Variants in SPINT1 observed in about 807,000 individuals in gnomAD.
The protein encoded by SPINT1 is serine peptidase inhibitor, Kunitz type 1.
A neutral mutation model predicts 53.7 loss-of-function variants in SPINT1; 38 were observed. The ratio of observed to expected loss-of-function variants is 0.71; its 90% confidence interval spans 0.55 to 0.93. The LOEUF is 0.93. SPINT1 is among the 40% of genes least tolerant of loss of function. SPINT1 has a pLI of 0.00. For missense variants in SPINT1, 645 were observed against 692.9 expected (o/e 0.93, Z 0.78); for synonymous variants, 283 against 280.6 (o/e 1.01, Z -0.08).
chr15:40,855,699 C>T, intron 8 of SPINT1, 193 bp from the exon 9 acceptor site: 1 of 535,392 alleles, frequency 1.9e-6, no homozygotes, highest in Non-Finnish European at 3.2e-6. Context: ...ACTTTTGTGC[C>T]TACAGTTATT....
intron 3 of SPINT1, 75 bp from the exon 4 acceptor site, chr15:40,853,414 G>C: frequency 6.2e-7 from 1 of 1,611,210 alleles, no homozygotes; most frequent in Non-Finnish European, 8.5e-7. Flanking sequence ...GGGTGTGGGT[G>C]TGTGTCTGGC....
intron 2 of SPINT1, among the ~76,000 whole-genome samples, chr15:40,851,677 G>A (rs375070927): frequency 2.6e-5 from 4 of 152,102 alleles, no homozygotes; most frequent in Non-Finnish European, 4.4e-5. Flanking sequence ...GAAGGGCAAC[G>A]TATTAATTTC....
intron 8 of SPINT1, 104 bp from the exon 9 acceptor site, chr15:40,855,788 C>G: frequency 1.5e-6 from 2 of 1,306,184 alleles, no homozygotes; most frequent in Non-Finnish European, 2.1e-6. Context: ...CCTCCCTGAG[C>G]CATGGCAGGT....
intron 2 of SPINT1, among the ~76,000 whole-genome samples, chr15:40,845,508 G>T (rs1055602466): frequency 6.6e-6 from 1 of 151,888 alleles, no homozygotes; most frequent in African/African-American, 2.4e-5. Flanking sequence ...TGATCAATGG[G>T]GTGACAGATG....
intron 2 of SPINT1, among the ~76,000 whole-genome samples, chr15:40,846,424 G>A (rs1416055738): frequency 6.6e-6 from 1 of 152,188 alleles, no homozygotes; most frequent in Non-Finnish European, 1.5e-5. Flanking sequence ...CAAAAAGGGT[G>A]CTACTAGCAG....
chr15:40,848,269 C>T (rs924501804), intron 2 of SPINT1, among the ~76,000 whole-genome samples: 1 of 152,164 alleles, frequency 6.6e-6, no homozygotes, highest in Admixed American at 6.5e-5. Flanking sequence ...ACCAGCTGTT[C>T]TTAGCTCTTT....
At chr15:40,852,117 A>G (rs1232712779) in intron 2 of SPINT1, among the ~76,000 whole-genome samples, 5 of 152,222 alleles carry the variant, frequency 3.3e-5, no homozygotes, top group Admixed American at 3.3e-4. Flanking sequence ...GCTCCCTCCA[A>G]AGACCCTAGG....
At position 40,856,795 on chromosome 15, in the gene SPINT1, G is replaced by A. The variant is rs769356804; in HGVS notation, c.1362G>A (p.Val454=). Residue 454 remains valine, a synonymous_variant, in exon 11 of 11, where the codon GTG becomes GTA. Coordinates refer to ENST00000562057, the MANE Select transcript of SPINT1 (RefSeq NM_003710.4). ...GCTCTGTGGAGATGGCTGTCGCAGT[G>A]TTCCTGGTCATCTGCATTGTGGTGG... ...STGSVEMAVA[V]FLVICIVVVV... 6.2e-7 allele frequency: 1 copy of A among 1,614,182 alleles called. No homozygotes were observed. Among genetic ancestry groups the A allele is most frequent in the Non-Finnish European group, 8.5e-7 (1 of 1,180,044 alleles).
intron 8 of SPINT1, 64 bp downstream of exon 8, chr15:40,854,753 C>T (rs1409816794): frequency 5.0e-6 from 8 of 1,601,864 alleles, no homozygotes; most frequent in South Asian, 1.1e-5. Flanking sequence ...TCACTATTTC[C>T]ATCCAGCAGT....
Position 40,844,563 on chromosome 15 carries a change from T to C in SPINT1, c.9T>C (p.Pro3=). The change falls in exon 2 of 11, where the codon CCT becomes CCC. Residue 3 remains proline (P), a synonymous_variant. Coordinates refer to ENST00000562057, the MANE Select transcript of SPINT1 (RefSeq NM_003710.4). The surrounding 1 kb of genome is among the most constrained non-coding windows in gnomAD (Gnocchi z 5.8). Reference sequence around the variant, plus strand: ...CCCTGGGGAGGAAGGCGATGGCCCCTGCGAGGACGATGGCCCGCGCCCGCC... The same window carrying C: ...CCCTGGGGAGGAAGGCGATGGCCCCCGCGAGGACGATGGCCCGCGCCCGCC... MA[P]ARTMARARLA... 6.2e-7 allele frequency: 1 copy of C among 1,610,556 alleles called. No homozygotes were observed. Among genetic ancestry groups the C allele is most frequent in the South Asian group, 1.1e-5 (1 of 91,014 alleles).
rs774791082 is a variant in SPINT1 at position 40,853,275 on chromosome 15, C to A, written c.603+24C>A. 7 of 1,613,560 alleles carry A rather than the reference C, an allele frequency of 4.3e-6. No individual in the cohort carries two copies. The South Asian group carries it at 7.7e-5, about 18-fold the overall frequency. On this transcript the variant is annotated intron_variant, in intron 3 of 10. Coordinates refer to ENST00000562057, the MANE Select transcript of SPINT1 (RefSeq NM_003710.4). ...AGGTGAGACACTGGGCTGACTCTGA[C>A]CCCGCCCTCTGCCTGCCAGCCTTCT...
At chr15:40,846,575 A>G (rs1424722471) in intron 2 of SPINT1, among the ~76,000 whole-genome samples, 2 of 152,100 alleles carry the variant, frequency 1.3e-5, no homozygotes, top group East Asian at 1.9e-4. Context: ...TTCACACAAG[A>G]CCATCTCTCT....
chr15:40,855,495 C>A lies in SPINT1; in HGVS notation c.1118-397C>A, dbSNP rs527431405. Among the ~76,000 whole-genome samples, 9 of 152,252 alleles carry A rather than the reference C, an allele frequency of 5.9e-5. No homozygotes were observed. In the South Asian group the frequency reaches 1.7e-3, roughly 28 times the overall value. On this transcript the variant is annotated intron_variant, in intron 8 of 10. Transcript: ENST00000562057. ...AACCAGCCAGGCGTGGTGGCTTACA[C>A]CTGGAATCCCAGCTACTAGGGAGGC...
intron 2 of SPINT1, among the ~76,000 whole-genome samples, chr15:40,852,508 G>A (rs151013944): frequency 6.6e-6 from 1 of 152,218 alleles, no homozygotes; most frequent in Non-Finnish European, 1.5e-5. Context: ...CTCAGACACA[G>A]GCACTGTCAA....
intron 2 of SPINT1, 61 bp from the exon 3 acceptor site, chr15:40,853,063 C>CTGAGAGAAGCCTGGTCCATCTAG: frequency 6.4e-7 from 1 of 1,571,004 alleles, no homozygotes; most frequent in Non-Finnish European, 8.6e-7. Flanking sequence ...CACTTTGCTC[C>CTGAGAGAAGCCTGGTCCATCTAG]TGAGAGAAGC....
Position 40,856,028 on chromosome 15 carries a change from G to C in SPINT1, c.1254G>C (p.Glu418Asp), listed in dbSNP as rs140303340. Residue 418 changes from glutamate (E) to aspartate (D), a missense_variant, in exon 9 of 11, where the codon GAG (glutamate) becomes GAC (aspartate). Physicochemically the swap from Glu to Asp is conservative, Grantham distance 45. Coordinates refer to ENST00000562057, the MANE Select transcript of SPINT1 (RefSeq NM_003710.4). ...GCAACAAGAACAACTTTGAGGAAGA[G>C]CAGCAGTGCCTCGAGTCTTGTCGCG... ...CYGNKNNFEEEQQCLESCRGI... is the reference protein window; with the variant it reads ...CYGNKNNFEEDQQCLESCRGI... 3 of 1,614,086 alleles carry C rather than the reference G, an allele frequency of 1.9e-6. No homozygotes were observed. The highest frequency in any genetic ancestry group is 2.5e-6 in the Non-Finnish European group (3 of 1,180,040).
rs1274904635 is a variant in SPINT1, at chr15:40,853,173, C to A, written c.525C>A (p.Pro175=). The A allele has an allele frequency of 1.9e-6, 3 of 1,614,056 alleles. No homozygotes were observed. The highest frequency in any genetic ancestry group is 2.5e-6 in the Non-Finnish European group (3 of 1,180,020). Residue 175 remains proline (P), a synonymous_variant, in exon 3 of 11, where the codon CCC becomes CCA. Coordinates refer to ENST00000562057, the MANE Select transcript of SPINT1 (RefSeq NM_003710.4). ...CAGGCATAGACTTGAAGGTACAACC[C>A]CAGGAACCCCTGGTGCTGAAGGATG... ...AWAGIDLKVQ[P]QEPLVLKDVE...
rs144910384 is a variant in SPINT1 at position 40,854,656 on chromosome 15, G to A, written c.1084G>A (p.Glu362Lys). 25 of 1,614,038 alleles carry A rather than the reference G, an allele frequency of 1.5e-5. No homozygotes were observed. Among genetic ancestry groups the A allele is most frequent in the East Asian group, 2.2e-5 (1 of 44,894 alleles). Residue 362 changes from glutamate to lysine, a missense_variant, in exon 8 of 11, where the codon GAG (glutamate) becomes AAG (lysine). By Grantham distance (56) the Glu-to-Lys change is moderately conservative (BLOSUM62 1). Transcript: ENST00000562057. The stretch of plus-strand genomic sequence containing the variant: ...CTCTGCAGACACGAGTGGCTTTGAC[G>A]AGCTCCAGCGCATCCATTTCCCCAG... The part of the protein sequence containing the change: ...ACEKYTSGFD[E>K]LQRIHFPSDK...
At chr15:40,846,020 G>A (rs1409266615) in intron 2 of SPINT1, among the ~76,000 whole-genome samples, 8 of 152,224 alleles carry the variant, frequency 5.3e-5, no homozygotes. Flanking sequence ...AGGCTCTGGG[G>A]TGGGGGATGA....
Sources: gnomAD v4.1 joint callset for allele counts (sites outside exome capture counted in the v4.1 genomes callset) on GRCh38, gnomAD v4.1.1 for gene constraint, Gnocchi (gnomAD v3.1) non-coding constraint, MANE v1.5 for transcripts, NCBI Gene and HGNC (gene_info 2026-07-23, HGNC 2026-07-21) for gene names.